Variants in TNFRSF21 observed in about 807,000 individuals in gnomAD.
The protein encoded by TNFRSF21 is TNF receptor superfamily member 21.
In TNFRSF21, 19 loss-of-function variants were observed where a neutral mutation model predicts 45.6. The observed-to-expected ratio is 0.42, with a 90% CI of 0.29 to 0.61. The LOEUF is 0.61. TNFRSF21 is among the 20% of genes least tolerant of loss of function. The pLI, the probability that TNFRSF21 is intolerant of heterozygous loss-of-function variation, is 0.23. For synonymous variants in TNFRSF21, 314 were observed against 335.5 expected, an observed-to-expected ratio of 0.94 and a Z score of 0.70; for missense variants, 737 against 851.5, an observed-to-expected ratio of 0.87 and a Z score of 1.67.
chr6:47,264,301 G>A (rs1324514194), intron 3 of TNFRSF21, among the ~76,000 whole-genome samples: 1 of 152,168 alleles, frequency 6.6e-6, no homozygotes, highest in African/African-American at 2.4e-5. Flanking sequence ...GCCAAGGCAG[G>A]CGGATCATTT....
intron 1 of TNFRSF21, among the ~76,000 whole-genome samples, chr6:47,302,497 A>G (rs927088056): frequency 6.6e-6 from 1 of 152,224 alleles, no homozygotes; most frequent in Non-Finnish European, 1.5e-5. Context: ...TTCCCTATTT[A>G]TAACATTTCA....
At chr6:47,304,444 T>G (rs1762911231) in intron 1 of TNFRSF21, among the ~76,000 whole-genome samples, 1 of 152,178 alleles carries the variant, frequency 6.6e-6, no homozygotes, top group Non-Finnish European at 1.5e-5. Flanking sequence ...GCCTGCAAAG[T>G]TAAAGTGTGA....
Position 47,284,028 on chromosome 6 carries a change from G to A in TNFRSF21, c.1153C>T (p.Pro385Ser). 1 of 1,614,208 alleles carries A rather than the reference G, an allele frequency of 6.2e-7. No individual in the cohort carries two copies. Among genetic ancestry groups the A allele is most frequent in the Non-Finnish European group, 8.5e-7 (1 of 1,180,048 alleles). Residue 385 changes from proline to serine, a missense_variant, in exon 3 of 6, where the codon CCC becomes TCC. Coordinates refer to ENST00000296861, the MANE Select transcript of TNFRSF21 (RefSeq NM_014452.5). ...RTLKKGPRQD[P>S]SAIVEKAGLK... Reference sequence around the variant, plus strand: ...CCTGCCTTTTCCACAATGGCACTGGGATCCTGCCGGGGCCCCTTTTTCAGA... The same window carrying A: ...CCTGCCTTTTCCACAATGGCACTGGAATCCTGCCGGGGCCCCTTTTTCAGA...
At position 47,232,681 on chromosome 6, in the gene TNFRSF21, C is replaced by T. The variant is rs1360643130; in HGVS notation, c.*84G>A. On this transcript the variant is annotated 3_prime_UTR_variant, in exon 6 of 6. Coordinates refer to ENST00000296861, the MANE Select transcript of TNFRSF21 (RefSeq NM_014452.5). ...CACAAACACACACACACACCCCAAA[C>T]AACAAAAATCAGAAACAGAAGAAAA... 1 of 1,253,798 alleles carries T rather than the reference C, an allele frequency of 8.0e-7. No homozygotes were observed. Among genetic ancestry groups the T allele is most frequent in the Non-Finnish European group, 1.1e-6 (1 of 883,382 alleles). The allele number at this position is 1,253,798 out of a possible 1,614,324, so 77.7% of individuals were successfully genotyped here.
chr6:47,242,760 T>C (rs1764764867), intron 4 of TNFRSF21, among the ~76,000 whole-genome samples: 1 of 152,160 alleles, frequency 6.6e-6, no homozygotes, highest in Non-Finnish European at 1.5e-5. Flanking sequence ...GTGAGGACAG[T>C]GAATAAGTGG....
chr6:47,265,104 A>C lies in TNFRSF21; in HGVS notation c.1244-11583T>G, dbSNP rs151039927. Among the ~76,000 whole-genome samples the C allele has an allele frequency of 2.0e-5, 3 of 152,256 alleles. No homozygotes were observed. In the East Asian group the frequency reaches 5.8e-4, roughly 29 times the overall value. On this transcript the variant is annotated intron_variant, in intron 3 of 5. Transcript: ENST00000296861. Reference sequence around the variant, plus strand: ...TGGTGATGAGAAAAACACCAAGTTAAACAGAAGGGAGTTCAGATTAGAAGG... The same window carrying C: ...TGGTGATGAGAAAAACACCAAGTTACACAGAAGGGAGTTCAGATTAGAAGG...
intron 4 of TNFRSF21, among the ~76,000 whole-genome samples, chr6:47,241,952 T>C (rs1764751434): frequency 6.6e-6 from 1 of 152,146 alleles, no homozygotes. Flanking sequence ...ATCTAAATTG[T>C]CAATTGCCAA....
intron 3 of TNFRSF21, among the ~76,000 whole-genome samples, chr6:47,260,020 T>C (rs1489606647): frequency 6.6e-6 from 1 of 152,176 alleles, no homozygotes; most frequent in Non-Finnish European, 1.5e-5. Context: ...ATTTATGCGA[T>C]CAAGTATTAA....
chr6:47,237,923 G>A (rs577250179), intron 4 of TNFRSF21, among the ~76,000 whole-genome samples: 110 of 152,184 alleles, frequency 7.2e-4, no homozygotes, highest in African/African-American at 2.4e-3. Context: ...GGTGGCAGGC[G>A]CCTGTAATCC....
chr6:47,250,608 A>T (rs1182731708), intron 4 of TNFRSF21, among the ~76,000 whole-genome samples: 1 of 152,208 alleles, frequency 6.6e-6, no homozygotes, highest in Non-Finnish European at 1.5e-5. Context: ...AACATTGACC[A>T]TTGAAAAAAA....
At chr6:47,287,323 A>AG (rs200521653) in intron 1 of TNFRSF21, among the ~76,000 whole-genome samples, 13,630 of 142,276 alleles carry the variant, frequency 0.096, 1,298 homozygotes, top group East Asian at 0.42. Context: ...AAAAAAAAAA[A>AG]AAAAAAAAAA....
chr6:47,261,916 G>T (rs1365542587), intron 3 of TNFRSF21, among the ~76,000 whole-genome samples: 1 of 152,178 alleles, frequency 6.6e-6, no homozygotes, highest in African/African-American at 2.4e-5. Flanking sequence ...GTAACTTCCA[G>T]TGCATCCACT....
chr6:47,246,526 T>C (rs1764826934), intron 4 of TNFRSF21, among the ~76,000 whole-genome samples: 1 of 152,232 alleles, frequency 6.6e-6, no homozygotes. Context: ...CTTGAATTTG[T>C]CAGTTCCTTC....
intron 1 of TNFRSF21, among the ~76,000 whole-genome samples, chr6:47,292,087 T>C (rs187403974): frequency 2.1e-3 from 315 of 152,156 alleles, no homozygotes; most frequent in African/African-American, 6.9e-3. Flanking sequence ...AGTGAAACAA[T>C]GAGTAATGGG....
chr6:47,256,958 C>T (rs898855357), intron 3 of TNFRSF21, among the ~76,000 whole-genome samples: 5 of 152,150 alleles, frequency 3.3e-5, no homozygotes, highest in Non-Finnish European at 7.3e-5. Flanking sequence ...TGTCCATTTC[C>T]TCATGTGTAC....
At chr6:47,258,398 G>T (rs59707020) in intron 3 of TNFRSF21, among the ~76,000 whole-genome samples, 53,139 of 130,882 alleles carry the variant, frequency 0.41, 11,032 homozygotes, top group African/African-American at 0.6. Flanking sequence ...AGTAATTGTG[G>T]TTTTTTTTTT....
chr6:47,247,838 C>G (rs1259919557), intron 4 of TNFRSF21, among the ~76,000 whole-genome samples: 2 of 152,276 alleles, frequency 1.3e-5, no homozygotes, highest in African/African-American at 4.8e-5. Flanking sequence ...CTGGAAAGGA[C>G]TAAAATATCC....
intron 4 of TNFRSF21, among the ~76,000 whole-genome samples, chr6:47,247,505 G>A (rs531518802): frequency 6.6e-6 from 1 of 152,354 alleles, no homozygotes; most frequent in African/African-American, 2.4e-5. Context: ...TTAATGTACA[G>A]CTGGTATTTG....
At chr6:47,255,789 G>A (rs114088981) in intron 3 of TNFRSF21, among the ~76,000 whole-genome samples, 284 of 152,024 alleles carry the variant, frequency 1.9e-3, no homozygotes, top group African/African-American at 6.2e-3. Context: ...ATGAGGTCAC[G>A]CTCACCTGCC....
Sources: allele counts gnomAD v4.1 joint callset (sites outside exome capture counted in the v4.1 genomes callset), GRCh38; gene constraint gnomAD v4.1.1; transcripts MANE v1.5; gene names NCBI Gene and HGNC (gene_info 2026-07-23, HGNC 2026-07-21).